The following RCAN2 variants were observed in gnomAD, a reference collection of about 807,000 sequenced individuals.
The protein encoded by RCAN2 is regulator of calcineurin 2.
A neutral mutation model predicts 23.6 loss-of-function variants in RCAN2; 9 were observed. That is an observed-to-expected ratio of 0.38 (90% CI 0.23 to 0.67). RCAN2 has a LOEUF of 0.67. RCAN2 is among the 30% of genes least tolerant of loss of function. The pLI is 0.51. For missense variants in RCAN2, 273 were observed against 302.3 expected (o/e 0.90, Z 0.72); for synonymous variants, 109 against 115.7 (o/e 0.94, Z 0.37).
At chr6:46,283,304 A>G (rs1027761570) in intron 2 of RCAN2, among the ~76,000 whole-genome samples, 2 of 152,104 alleles carry the variant, frequency 1.3e-5, no homozygotes, top group Non-Finnish European at 2.9e-5. Flanking sequence ...TTAGTTGGGC[A>G]TGGTGGTACA....
At chr6:46,298,014 G>A (rs542949985) in intron 2 of RCAN2, among the ~76,000 whole-genome samples, 69 of 152,152 alleles carry the variant, frequency 4.5e-4, no homozygotes, top group Non-Finnish European at 7.6e-4. Context: ...TATCAAACTA[G>A]TTTGAAAGCT....
chr6:46,307,626 A>G (rs1582088886), intron 2 of RCAN2, among the ~76,000 whole-genome samples: 1 of 152,188 alleles, frequency 6.6e-6, no homozygotes, highest in Non-Finnish European at 1.5e-5. Context: ...AACAAAACAG[A>G]CAACATTTAC....
At chr6:46,322,735 C>T (rs941393094) in intron 2 of RCAN2, among the ~76,000 whole-genome samples, 5 of 152,232 alleles carry the variant, frequency 3.3e-5, no homozygotes, top group African/African-American at 1.2e-4. Flanking sequence ...ATGTGCCTCC[C>T]TTTTCTCTGA....
chr6:46,422,344 C>T (rs554212647), intron 2 of RCAN2, among the ~76,000 whole-genome samples: 6 of 152,286 alleles, frequency 3.9e-5, no homozygotes, highest in African/African-American at 1.4e-4. Context: ...GAAGTGGATG[C>T]TGGCACCATG....
At chr6:46,467,114 T>C (rs1768407441) in intron 1 of RCAN2, among the ~76,000 whole-genome samples, 1 of 152,216 alleles carries the variant, frequency 6.6e-6, no homozygotes, top group South Asian at 2.1e-4. Context: ...TGCCTCTCTT[T>C]GCACTAACTT....
intron 2 of RCAN2, among the ~76,000 whole-genome samples, chr6:46,386,308 C>A (rs898695637): frequency 1.6e-4 from 25 of 151,788 alleles, no homozygotes; most frequent in African/African-American, 6.0e-4. Context: ...CAAATCAAAA[C>A]CACAAGGAGG....
intron 1 of RCAN2, among the ~76,000 whole-genome samples, chr6:46,479,582 C>CT (rs1768800767): frequency 8.9e-6 from 1 of 111,976 alleles, no homozygotes; most frequent in Non-Finnish European, 1.7e-5. Flanking sequence ...GTCTGTCTCA[C>CT]CTTTTTTTTT....
intron 1 of RCAN2, among the ~76,000 whole-genome samples, chr6:46,482,633 T>C (rs2150447923): frequency 6.6e-6 from 1 of 152,324 alleles, no homozygotes; most frequent in Admixed American, 6.5e-5. Flanking sequence ...TAAAATTACC[T>C]AGGATTAGTT....
intron 4 of RCAN2, among the ~76,000 whole-genome samples, chr6:46,224,788 GTTTT>G (rs533503312): frequency 6.8e-6 from 1 of 146,252 alleles, no homozygotes; most frequent in East Asian, 2.0e-4. Context: ...ACAAGGTACA[GTTTT>G]TTTTTTTTTA....
Position 46,378,842 on chromosome 6 carries a change from T to C in RCAN2, c.225+77910A>G, listed in dbSNP as rs114968890. The stretch of plus-strand genomic sequence containing the variant: ...TGTTGGCATAAAGTTTGAGGAGATA[T>C]TTGGCAAACTAATTGGCTTGTGATA... On this transcript the variant is annotated intron_variant, in intron 2 of 4. Transcript: ENST00000371374. 5.1e-3 allele frequency among the ~76,000 whole-genome samples: 772 copies of C among 152,312 alleles called. 9 individuals are homozygous for C. The highest frequency in any genetic ancestry group is 0.018 in the African/African-American group (734 of 41,564).
chr6:46,367,984 T>C (rs1348005999), intron 2 of RCAN2, among the ~76,000 whole-genome samples: 1 of 152,206 alleles, frequency 6.6e-6, no homozygotes, highest in Middle Eastern at 3.2e-3. Flanking sequence ...AATGGCCAGC[T>C]ATATCATTTA....
intron 2 of RCAN2, among the ~76,000 whole-genome samples, chr6:46,450,703 A>C (rs2150428654): frequency 6.6e-6 from 1 of 152,194 alleles, no homozygotes; most frequent in Non-Finnish European, 1.5e-5. Context: ...CAAATATTAC[A>C]TAATCTCACT....
At chr6:46,257,413 T>C (rs995442935) in intron 2 of RCAN2, among the ~76,000 whole-genome samples, 1 of 152,110 alleles carries the variant, frequency 6.6e-6, no homozygotes, top group Non-Finnish European at 1.5e-5. Flanking sequence ...AAGAAATACC[T>C]GAGACTGGGT....
At chr6:46,325,629 A>G in intron 2 of RCAN2, 1 of 1,435,686 alleles carries the variant, frequency 7.0e-7, no homozygotes, top group Non-Finnish European at 9.1e-7. Flanking sequence ...GCCCGCTCCC[A>G]CTGCACGCAG....
At chr6:46,285,823 A>T (rs1289850617) in intron 2 of RCAN2, among the ~76,000 whole-genome samples, 2 of 152,210 alleles carry the variant, frequency 1.3e-5, no homozygotes, top group African/African-American at 4.8e-5. Flanking sequence ...TTTGTTACAT[A>T]GGCCTACTTT....
intron 2 of RCAN2, among the ~76,000 whole-genome samples, chr6:46,385,833 G>A (rs1765727811): frequency 6.9e-6 from 1 of 144,586 alleles, no homozygotes; most frequent in Non-Finnish European, 1.5e-5. Flanking sequence ...CTCCAGCCTG[G>A]GCAGCAAAAC....
At chr6:46,472,934 C>T (rs1472686480) in intron 1 of RCAN2, among the ~76,000 whole-genome samples, 4 of 152,184 alleles carry the variant, frequency 2.6e-5, no homozygotes, top group Non-Finnish European at 5.9e-5. Flanking sequence ...CTTAGGTTGG[C>T]TTCTGGTAGC....
intron 2 of RCAN2, among the ~76,000 whole-genome samples, chr6:46,252,898 T>G (rs1368540524): frequency 2.0e-5 from 3 of 152,186 alleles, no homozygotes; most frequent in Non-Finnish European, 4.4e-5. Context: ...TTGTGAGTAT[T>G]CTTCATTGAT....
At chr6:46,232,980 A>G (rs1258521673) in intron 4 of RCAN2, among the ~76,000 whole-genome samples, 1 of 152,084 alleles carries the variant, frequency 6.6e-6, no homozygotes, top group African/African-American at 2.4e-5. Context: ...CACACACACA[A>G]TGTGCCCCCT....
Sources: gnomAD v4.1 joint callset for allele counts (sites outside exome capture counted in the v4.1 genomes callset) on GRCh38, gnomAD v4.1.1 for gene constraint, MANE v1.5 for transcripts, NCBI Gene and HGNC (gene_info 2026-07-23, HGNC 2026-07-21) for gene names.